The following OR2AG1 variants were observed in gnomAD, a reference collection of about 807,000 sequenced individuals.
OR2AG1 encodes the protein olfactory receptor 2AG1.
For missense variants in OR2AG1, 391 were observed against 385.9 expected (o/e 1.01, Z -0.11); for synonymous variants, 157 against 155.6 (o/e 1.01, Z -0.07).
In OR2AG1 at chr11:6,785,667, T is replaced by C; in HGVS notation, c.630T>C (p.Ser210=). 3 of 1,614,140 alleles carry C rather than the reference T, an allele frequency of 1.9e-6. No homozygotes were observed. Among genetic ancestry groups the C allele is most frequent in the Non-Finnish European group, 2.5e-6 (3 of 1,180,002 alleles). ...YVMGVTFLIP[S]LAAILASYTQ... is the part of the protein sequence containing the mutation. ...TGGGTGTGACCTTCCTGATTCCCTC[T>C]CTTGCTGCTATACTGGCCTCCTATA... The change falls in exon 2 of 2, where the codon TCT becomes TCC. Residue 210 remains serine, a synonymous_variant. Coordinates refer to ENST00000641258, the MANE Select transcript of OR2AG1 (RefSeq NM_001004489.3).
At position 6,785,561 on chromosome 11, in the gene OR2AG1, G is replaced by C; in HGVS notation, c.524G>C (p.Arg175Thr). The C allele has an allele frequency of 1.2e-6, 2 of 1,614,170 alleles. No homozygotes were observed. Among genetic ancestry groups the C allele is most frequent in the South Asian group, 1.1e-5 (1 of 91,080 alleles). Residue 175 changes from arginine to threonine, a missense_variant, in exon 2 of 2, where the codon AGG becomes ACG. Transcript: ENST00000641258. Reference sequence around the variant, plus strand: ...CCCTTCTGCAGGGCCCAGGAGATCAGGCATCTTCTCTGTGAGATCCCACAC... The same window carrying C: ...CCCTTCTGCAGGGCCCAGGAGATCACGCATCTTCTCTGTGAGATCCCACAC... The part of the protein sequence containing the change: ...HYPFCRAQEI[R>T]HLLCEIPHLL...
chr11:6,785,512 T>G lies in OR2AG1; in HGVS notation c.475T>G (p.Tyr159Asp). 1 of 1,613,994 alleles carries G rather than the reference T, an allele frequency of 6.2e-7. No individual in the cohort carries two copies. Among genetic ancestry groups the G allele is most frequent in the Non-Finnish European group, 8.5e-7 (1 of 1,179,930 alleles). The change falls in exon 2 of 2, where the codon TAT (tyrosine) becomes GAT (aspartate). Residue 159 changes from tyrosine to aspartate, a missense_variant. Coordinates refer to ENST00000641258, the MANE Select transcript of OR2AG1 (RefSeq NM_001004489.3). The part of the protein sequence containing the change: ...WILASLSALI[Y>D]TVYTMHYPFC... ...CCTGGCATCCCTAAGTGCCCTAATA[T>G]ATACCGTGTATACCATGCACTATCC...
chr11:6,790,276 T>C lies in OR2AG1; in HGVS notation c.*4288T>C, dbSNP rs1847676026. Reference sequence around the variant, plus strand: ...TGTGGGAGGAAATGAAAAATATTAGTCAACAGATACAAACTTTTATTTTTA... The same window carrying C: ...TGTGGGAGGAAATGAAAAATATTAGCCAACAGATACAAACTTTTATTTTTA... On this transcript the variant is annotated 3_prime_UTR_variant, in exon 2 of 2. Transcript: ENST00000641258. 1 of 152,170 alleles carries C rather than the reference T, an allele frequency of 6.6e-6. No homozygotes were observed. The highest frequency in any genetic ancestry group is 2.1e-4 in the South Asian group (1 of 4,828). The allele number at this position is 152,170 out of a possible 1,614,324, so 9.4% of individuals were successfully genotyped here. A position where few individuals can be genotyped will look rare whatever the true frequency, so the allele number is the denominator to read the frequency against.
rs1217238652 is a variant in OR2AG1, at chr11:6,791,045, A to C, written c.*5057A>C. The C allele has an allele frequency of 6.6e-6, 1 of 152,242 alleles. No individual in the cohort carries two copies. Among genetic ancestry groups the C allele is most frequent in the Non-Finnish European group, 1.5e-5 (1 of 68,048 alleles). The allele number at this position is 152,242 out of a possible 1,614,324, so 9.4% of individuals were successfully genotyped here. A position where few individuals can be genotyped will look rare whatever the true frequency, so the allele number is the denominator to read the frequency against. On this transcript the variant is annotated 3_prime_UTR_variant, in exon 2 of 2. Coordinates refer to ENST00000641258, the MANE Select transcript of OR2AG1 (RefSeq NM_001004489.3). Reference sequence around the variant, plus strand: ...CAACTGCTAGAAGTTTTGCAAGAACAAAGGCCAAGGAGATGCACTTGTGTC... The same window carrying C: ...CAACTGCTAGAAGTTTTGCAAGAACCAAGGCCAAGGAGATGCACTTGTGTC...
Position 6,788,579 on chromosome 11 carries a change from A to C in OR2AG1, c.*2591A>C, listed in dbSNP as rs914004726. The stretch of plus-strand genomic sequence containing the variant: ...TGATTGTGAATATATTTAACTGATA[A>C]ATTAATTTGTAATTTGAGCATTTTT... On this transcript the variant is annotated 3_prime_UTR_variant, in exon 2 of 2. Transcript: ENST00000641258. The C allele has an allele frequency of 6.6e-6, 1 of 152,142 alleles. No individual in the cohort carries two copies. Among genetic ancestry groups the C allele is most frequent in the Non-Finnish European group, 1.5e-5 (1 of 68,040 alleles). 9.4% of individuals were successfully genotyped at this position (152,142 alleles called of 1,614,324 possible).
Position 6,785,242 on chromosome 11 carries a change from A to C in OR2AG1, c.205A>C (p.Met69Leu), listed in dbSNP as rs752125601. 6.2e-7 allele frequency: 1 copy of C among 1,614,056 alleles called. No individual in the cohort carries two copies. Residue 69 changes from methionine to leucine, a missense_variant, in exon 2 of 2, where the codon ATG becomes CTG. By Grantham distance (15) the Met-to-Leu change is conservative. Transcript: ENST00000641258. ...MYLLLGQLSL[M>L]DLLFTSVVTP... Reference sequence around the variant, plus strand: ...CCTCCTGCTTGGGCAGCTCTCTCTCATGGACCTCCTGTTCACATCTGTTGT... The same window carrying C: ...CCTCCTGCTTGGGCAGCTCTCTCTCCTGGACCTCCTGTTCACATCTGTTGT...
chr11:6,784,581 G>C (rs1463276652), intron 1 of OR2AG1, among the ~76,000 whole-genome samples: 1 of 152,168 alleles, frequency 6.6e-6, no homozygotes, highest in Non-Finnish European at 1.5e-5. Flanking sequence ...AAGTTCTACG[G>C]AAAAAGAAGT....
rs1348050384 is a variant in OR2AG1 at position 6,786,587 on chromosome 11, A to G, written c.*599A>G. The G allele has an allele frequency of 6.6e-6, 1 of 152,230 alleles. No homozygotes were observed. The highest frequency in any genetic ancestry group is 1.5e-5 in the Non-Finnish European group (1 of 68,052). The allele number at this position is 152,230 out of a possible 1,614,324, so 9.4% of individuals were successfully genotyped here. On this transcript the variant is annotated 3_prime_UTR_variant, in exon 2 of 2. Coordinates refer to ENST00000641258, the MANE Select transcript of OR2AG1 (RefSeq NM_001004489.3). The stretch of plus-strand genomic sequence containing the variant: ...GTTTGTTGGTTTTTGACATGGAGAT[A>G]CTTTATAGTTCCTAAAATGCAATTA...
In OR2AG1 at chr11:6,789,887, C is replaced by T. The variant is rs1847671151; in HGVS notation, c.*3899C>T. 1 of 152,066 alleles carries T rather than the reference C, an allele frequency of 6.6e-6. No individual in the cohort carries two copies. Among genetic ancestry groups the T allele is most frequent in the Admixed American group, 6.6e-5 (1 of 15,262 alleles). The allele number at this position is 152,066 out of a possible 1,614,324, so 9.4% of individuals were successfully genotyped here. On this transcript the variant is annotated 3_prime_UTR_variant, in exon 2 of 2. Coordinates refer to ENST00000641258, the MANE Select transcript of OR2AG1 (RefSeq NM_001004489.3). ...ATTACTACTGTATGATCCAAGATTC[C>T]CACTTCTGACTATATATCCAAAGGT...
At position 6,791,036 on chromosome 11, in the gene OR2AG1, T is replaced by G. The variant is rs1847683917; in HGVS notation, c.*5048T>G. 1 of 152,148 alleles carries G rather than the reference T, an allele frequency of 6.6e-6. No individual in the cohort carries two copies. The highest frequency in any genetic ancestry group is 6.5e-5 in the Admixed American group (1 of 15,270). 9.4% of individuals were successfully genotyped at this position (152,148 alleles called of 1,614,324 possible). On this transcript the variant is annotated 3_prime_UTR_variant, in exon 2 of 2. Coordinates refer to ENST00000641258, the MANE Select transcript of OR2AG1 (RefSeq NM_001004489.3). ...ATCTGGAGTCAACTGCTAGAAGTTT[T>G]GCAAGAACAAAGGCCAAGGAGATGC...
rs1847656445 is a variant in OR2AG1, at chr11:6,788,997, A to T, written c.*3009A>T. 6.6e-6 allele frequency: 1 copy of T among 151,050 alleles called. No homozygotes were observed. Among genetic ancestry groups the T allele is most frequent in the African/African-American group, 2.4e-5 (1 of 40,876 alleles). 9.4% of individuals were successfully genotyped at this position (151,050 alleles called of 1,614,324 possible). ...GACTCCAATCCCCCTCAGTAACTGT[A>T]GCATTATTTTCAGCTTCTCTTCACA... On this transcript the variant is annotated 3_prime_UTR_variant, in exon 2 of 2. Transcript: ENST00000641258.
chr11:6,784,782 T>G (rs7118151), intron 1 of OR2AG1, among the ~76,000 whole-genome samples: 40,719 of 152,108 alleles, frequency 0.27, 5,899 homozygotes, highest in Middle Eastern at 0.35. Flanking sequence ...ATGTCCTAAA[T>G]AAGATTTTAT....
Position 6,786,558 on chromosome 11 carries a change from T to C in OR2AG1, c.*570T>C, listed in dbSNP as rs953091612. The C allele has an allele frequency of 6.6e-6, 1 of 152,270 alleles. No individual in the cohort carries two copies. Among genetic ancestry groups the C allele is most frequent in the African/African-American group, 2.4e-5 (1 of 41,464 alleles). The allele number at this position is 152,270 out of a possible 1,614,324, so 9.4% of individuals were successfully genotyped here. On this transcript the variant is annotated 3_prime_UTR_variant, in exon 2 of 2. Coordinates refer to ENST00000641258, the MANE Select transcript of OR2AG1 (RefSeq NM_001004489.3). ...CTAACAAGTGTCTTTGCTTGTTTGT[T>C]TTTGTTTGTTGGTTTTTGACATGGA... is the stretch of plus-strand genomic sequence containing the variant.
In OR2AG1 at chr11:6,785,091, G is replaced by C. The variant is rs749263077; in HGVS notation, c.54G>C (p.Leu18=). The part of the protein sequence containing the change: ...LGSGFILVGI[L]NDSGSPELLC... ...GTGGCTTCATTTTGGTGGGGATTCT[G>C]AATGACAGTGGGTCTCCTGAACTGC... The change falls in exon 2 of 2, where the codon CTG becomes CTC. Residue 18 remains leucine, a synonymous_variant. Transcript: ENST00000641258. 6.2e-6 allele frequency: 10 copies of C among 1,613,626 alleles called. No homozygotes were observed. Among genetic ancestry groups the C allele is most frequent in the Non-Finnish European group, 8.5e-6 (10 of 1,179,778 alleles).
At chr11:6,784,029 G>A (rs1246752727) in intron 1 of OR2AG1, among the ~76,000 whole-genome samples, 1 of 152,100 alleles carries the variant, frequency 6.6e-6, no homozygotes, top group East Asian at 1.9e-4. Flanking sequence ...TCAATCTTAG[G>A]CCCTTGTCCT....
At position 6,785,035 on chromosome 11, in the gene OR2AG1, A is replaced by C; in HGVS notation, c.-3A>C. 4.4e-6 allele frequency: 7 copies of C among 1,586,396 alleles called. No individual in the cohort carries two copies. Among genetic ancestry groups the C allele is most frequent in the Non-Finnish European group, 6.0e-6 (7 of 1,162,120 alleles). ...TGTTCTAGGTGATGAAAGAAACCAC[A>C]GCATGGAGCTCTGGAACTTCACCTT... is the stretch of plus-strand genomic sequence containing the variant. On this transcript the variant is annotated 5_prime_UTR_variant, in exon 2 of 2. Coordinates refer to ENST00000641258, the MANE Select transcript of OR2AG1 (RefSeq NM_001004489.3).
Position 6,786,263 on chromosome 11 carries a change from C to G in OR2AG1, c.*275C>G. 6 of 314,384 alleles carry G rather than the reference C, an allele frequency of 1.9e-5. No individual in the cohort carries two copies. The highest frequency in any genetic ancestry group is 3.5e-5 in the Non-Finnish European group (6 of 172,222). 19.5% of individuals were successfully genotyped at this position (314,384 alleles called of 1,614,324 possible). A position where few individuals can be genotyped will look rare whatever the true frequency, so the allele number is the denominator to read the frequency against. On this transcript the variant is annotated 3_prime_UTR_variant, in exon 2 of 2. Transcript: ENST00000641258. ...AGGTATTTAGTTAAATGGGTTCCCACCTTGGGACATGACCCCTAACCTTCG... is the reference window on the plus strand; with the variant it reads ...AGGTATTTAGTTAAATGGGTTCCCAGCTTGGGACATGACCCCTAACCTTCG...
chr11:6,787,933 G>A lies in OR2AG1; in HGVS notation c.*1945G>A, dbSNP rs1445306083. The A allele has an allele frequency of 1.3e-5, 2 of 152,100 alleles. No homozygotes were observed. Among genetic ancestry groups the A allele is most frequent in the East Asian group, 1.9e-4 (1 of 5,194 alleles). 9.4% of individuals were successfully genotyped at this position (152,100 alleles called of 1,614,324 possible). A position where few individuals can be genotyped will look rare whatever the true frequency, so the allele number is the denominator to read the frequency against. On this transcript the variant is annotated 3_prime_UTR_variant, in exon 2 of 2. Transcript: ENST00000641258. ...TTTTCATGTTAAATTTTACATATAAGTAGTCTTCACTAATTGATAAGGTAT... is the reference window on the plus strand; with the variant it reads ...TTTTCATGTTAAATTTTACATATAAATAGTCTTCACTAATTGATAAGGTAT...
rs1847622698 is a variant in OR2AG1, at chr11:6,785,875, A to G, written c.838A>G (p.Ile280Val). Reference protein sequence around the residue: ...QDNIISVFYTIVTPALNPLIY... With the variant: ...QDNIISVFYTVVTPALNPLIY... ...CAACATCATCTCTGTTTTCTACACA[A>G]TTGTCACTCCAGCCCTGAATCCACT... The change falls in exon 2 of 2, where the codon ATT becomes GTT. Residue 280 changes from isoleucine to valine, a missense_variant. Transcript: ENST00000641258. 2 of 1,614,070 alleles carry G rather than the reference A, an allele frequency of 1.2e-6. No individual in the cohort carries two copies. Among genetic ancestry groups the G allele is most frequent in the East Asian group, 2.2e-5 (1 of 44,878 alleles).
Sources: allele counts gnomAD v4.1 joint callset (sites outside exome capture counted in the v4.1 genomes callset), GRCh38; gene constraint gnomAD v4.1.1; transcripts MANE v1.5; gene names NCBI Gene and HGNC (gene_info 2026-07-23, HGNC 2026-07-21).